Variants in SCFD2 observed in about 807,000 individuals in gnomAD.
SCFD2 encodes the protein sec1 family domain containing 2, also known as sec1 family domain-containing protein 2.
In SCFD2, 54 loss-of-function variants were observed where a neutral mutation model predicts 58.9. The observed-to-expected ratio is 0.92, with a 90% CI of 0.74 to 1.15. The LOEUF is 1.15. Among genes scored for constraint, SCFD2 ranks in the 50% most tolerant of loss-of-function variants. The pLI, the probability that SCFD2 is intolerant of heterozygous loss-of-function variation, is 0.00. For missense variants in SCFD2, 805 were observed against 836.6 expected, an observed-to-expected ratio of 0.96 and a Z score of 0.47; for synonymous variants, 321 against 335.9, an observed-to-expected ratio of 0.96 and a Z score of 0.49.
chr4:53,330,468 AC>A, intron 2 of SCFD2, among the ~76,000 whole-genome samples: 1 of 152,222 alleles, frequency 6.6e-6, no homozygotes, highest in East Asian at 1.9e-4. Context: ...AGAATTTTCA[AC>A]CCAGAATTTC....
chr4:53,017,221 AAGG>A (rs1455086802), intron 5 of SCFD2, among the ~76,000 whole-genome samples: 2 of 152,348 alleles, frequency 1.3e-5, no homozygotes, highest in Middle Eastern at 3.4e-3. Flanking sequence ...TCCTAAAAAT[AAGG>A]AGGACAATTA....
chr4:53,271,005 A>C (rs1731144768), intron 4 of SCFD2, among the ~76,000 whole-genome samples: 1 of 152,210 alleles, frequency 6.6e-6, no homozygotes, highest in Non-Finnish European at 1.5e-5. Flanking sequence ...TTTTGAGGTA[A>C]GGCTCATAAG....
intron 5 of SCFD2, among the ~76,000 whole-genome samples, chr4:52,967,627 T>C (rs190789394): frequency 6.6e-6 from 1 of 152,330 alleles, no homozygotes; most frequent in East Asian, 1.9e-4. Flanking sequence ...ATGGGAGAAG[T>C]GGTCCAGTTC....
At chr4:53,174,868 G>A (rs1156704942) in intron 4 of SCFD2, among the ~76,000 whole-genome samples, 1 of 152,158 alleles carries the variant, frequency 6.6e-6, no homozygotes, top group African/African-American at 2.4e-5. Context: ...TAGTTAGCAT[G>A]GGATGTTTTT....
chr4:53,251,591 A>G (rs1730383241), intron 4 of SCFD2, among the ~76,000 whole-genome samples: 1 of 152,226 alleles, frequency 6.6e-6, no homozygotes, highest in Non-Finnish European at 1.5e-5. Context: ...ATGAAAATCA[A>G]TAAATGTAAT....
chr4:53,210,354 A>C (rs1728569907), intron 4 of SCFD2, among the ~76,000 whole-genome samples: 1 of 152,110 alleles, frequency 6.6e-6, no homozygotes, highest in African/African-American at 2.4e-5. Flanking sequence ...GAAAGTCCTG[A>C]GGGAACTTTC....
At chr4:53,210,000 T>G (rs1728558940) in intron 4 of SCFD2, among the ~76,000 whole-genome samples, 1 of 152,148 alleles carries the variant, frequency 6.6e-6, no homozygotes, top group Non-Finnish European at 1.5e-5. Flanking sequence ...CTTTTTCAAT[T>G]AACCAATCAT....
At chr4:53,272,359 C>G (rs1731197290) in intron 4 of SCFD2, among the ~76,000 whole-genome samples, 1 of 152,024 alleles carries the variant, frequency 6.6e-6, no homozygotes, top group African/African-American at 2.4e-5. Context: ...GGGTATATAC[C>G]CAAAGGATTA....
chr4:53,304,811 T>C (rs2149103199), intron 3 of SCFD2, among the ~76,000 whole-genome samples: 1 of 152,258 alleles, frequency 6.6e-6, no homozygotes, highest in South Asian at 2.1e-4. Flanking sequence ...ACCCACCTTC[T>C]GAAGCCTACT....
intron 5 of SCFD2, among the ~76,000 whole-genome samples, chr4:52,940,227 T>C (rs925977216): frequency 1.2e-4 from 18 of 152,202 alleles, no homozygotes; most frequent in African/African-American, 4.3e-4. Context: ...TCAGGTGCTG[T>C]AAAGCATCAA....
chr4:53,099,569 C>T (rs1249381789), intron 5 of SCFD2, among the ~76,000 whole-genome samples: 2 of 152,094 alleles, frequency 1.3e-5, no homozygotes, highest in African/African-American at 4.8e-5. Context: ...CATGCTGCTT[C>T]CATTCATGGT....
intron 5 of SCFD2, among the ~76,000 whole-genome samples, chr4:53,082,792 A>G (rs989103548): frequency 6.6e-6 from 1 of 152,100 alleles, no homozygotes; most frequent in African/African-American, 2.4e-5. Context: ...AGTGCTCCTG[A>G]TTCTCAGGCC....
chr4:52,876,371 A>G (rs1718473795), intron 8 of SCFD2, among the ~76,000 whole-genome samples: 1 of 152,192 alleles, frequency 6.6e-6, no homozygotes, highest in Non-Finnish European at 1.5e-5. Flanking sequence ...TTCTAGAAAA[A>G]TACACAGACA....
intron 4 of SCFD2, among the ~76,000 whole-genome samples, chr4:53,164,658 G>A (rs922599141): frequency 2.0e-5 from 3 of 152,036 alleles, no homozygotes; most frequent in Non-Finnish European, 4.4e-5. Flanking sequence ...GCCGGGTGTG[G>A]TGGCATGCCT....
intron 5 of SCFD2, among the ~76,000 whole-genome samples, chr4:53,017,918 A>G (rs540126201): frequency 6.6e-6 from 1 of 152,332 alleles, no homozygotes; most frequent in South Asian, 2.1e-4. Context: ...AGTTCTCTGT[A>G]GGTCTATACA....
At chr4:52,907,344 A>T in intron 7 of SCFD2, 113 bp downstream of exon 7, 1 of 1,067,588 alleles carries the variant, frequency 9.4e-7, no homozygotes, top group East Asian at 2.4e-5. Flanking sequence ...AAGAGCCAAA[A>T]TACCAAATGT....
chr4:53,225,210 A>G (rs1729167692), intron 4 of SCFD2, among the ~76,000 whole-genome samples: 1 of 152,212 alleles, frequency 6.6e-6, no homozygotes, highest in African/African-American at 2.4e-5. Flanking sequence ...GTGCTTTGAC[A>G]AAATTCACTC....
intron 2 of SCFD2, among the ~76,000 whole-genome samples, chr4:53,320,779 G>A (rs1732999874): frequency 6.6e-6 from 1 of 152,048 alleles, no homozygotes; most frequent in African/African-American, 2.4e-5. Context: ...CACAAGTCCA[G>A]TGACAGCAAT....
chr4:52,947,563 G>A, intron 5 of SCFD2, among the ~76,000 whole-genome samples: 1 of 152,140 alleles, frequency 6.6e-6, no homozygotes, highest in East Asian at 1.9e-4. Flanking sequence ...GGGTGGTATT[G>A]GCACAGGGAT....
Sources: gnomAD v4.1 joint callset for allele counts (sites outside exome capture counted in the v4.1 genomes callset) on GRCh38, gnomAD v4.1.1 for gene constraint, MANE v1.5 for transcripts, NCBI Gene and HGNC (gene_info 2026-07-23, HGNC 2026-07-21) for gene names.